The following CNTN4 variants were observed in gnomAD, a reference collection of about 807,000 sequenced individuals.
CNTN4 encodes contactin 4.
Under a neutral mutation model 122.5 loss-of-function variants are expected in CNTN4, and 77 were observed. That is an observed-to-expected ratio of 0.63 (90% confidence interval 0.52 to 0.76). CNTN4 has a LOEUF of 0.76. CNTN4 is among the 30% of genes least tolerant of loss of function. The pLI is 0.00. For missense variants in CNTN4, 1,256 were observed against 1,259.1 expected (o/e 1.00, Z 0.04); for synonymous variants, 512 against 447.0 (o/e 1.15, Z -1.83).
intron 20 of CNTN4, 147 bp from the exon 21 acceptor site, chr3:3,042,163 A>T: frequency 1.5e-6 from 1 of 687,142 alleles, no homozygotes; most frequent in Non-Finnish European, 2.6e-6. Flanking sequence ...GCTATTAATC[A>T]CTGCCCCTCT....
intron 4 of CNTN4, among the ~76,000 whole-genome samples, chr3:2,720,130 A>G (rs188047939): frequency 6.6e-6 from 1 of 152,300 alleles, no homozygotes; most frequent in East Asian, 1.9e-4. Context: ...ATGCTTTGAA[A>G]GCAGAAGGAA....
intron 2 of CNTN4, among the ~76,000 whole-genome samples, chr3:2,233,236 G>T (rs2149557408): frequency 6.6e-6 from 1 of 152,110 alleles, no homozygotes; most frequent in African/African-American, 2.4e-5. Context: ...ATTCTTCACT[G>T]ATCCCTGTCT....
At chr3:2,181,816 C>T (rs1034970186) in intron 2 of CNTN4, among the ~76,000 whole-genome samples, 5 of 152,020 alleles carry the variant, frequency 3.3e-5, no homozygotes, top group Admixed American at 6.6e-5. Context: ...AATTCCCGGT[C>T]AGAGAAAATG....
intron 4 of CNTN4, among the ~76,000 whole-genome samples, chr3:2,669,809 T>A (rs1470892484): frequency 6.6e-6 from 1 of 152,236 alleles, no homozygotes; most frequent in Non-Finnish European, 1.5e-5. Flanking sequence ...TTCTCCTTGG[T>A]TTCCAAGAAC....
At chr3:2,815,109 A>G (rs931687237) in intron 6 of CNTN4, among the ~76,000 whole-genome samples, 2 of 152,214 alleles carry the variant, frequency 1.3e-5, no homozygotes, top group Admixed American at 6.5e-5. Flanking sequence ...AAGGACTTAA[A>G]CCTAAGACCT....
chr3:2,428,573 G>C lies in CNTN4; in HGVS notation c.-89+89340G>C, dbSNP rs2047934928. Among the ~76,000 whole-genome samples the C allele has an allele frequency of 2.0e-5, 3 of 152,128 alleles. No homozygotes were observed. The South Asian group carries it at 6.2e-4, about 32-fold the overall frequency. On this transcript the variant is annotated intron_variant, in intron 3 of 24. Coordinates refer to ENST00000418658, the MANE Select transcript of CNTN4 (RefSeq NM_175607.3). ...GTCTTGGAGTTGCTCTTCTCGAGGA[G>C]TATCTTTGTTGCATTCTCTGTATTT...
At chr3:2,119,834 A>T (rs1021495043) in intron 2 of CNTN4, among the ~76,000 whole-genome samples, 13 of 152,220 alleles carry the variant, frequency 8.5e-5, no homozygotes, top group African/African-American at 3.1e-4. Context: ...AGGGTGTGGT[A>T]GGGGTTACCC....
chr3:2,125,161 T>A (rs1332866572), intron 2 of CNTN4, among the ~76,000 whole-genome samples: 1 of 152,190 alleles, frequency 6.6e-6, no homozygotes, highest in African/African-American at 2.4e-5. Flanking sequence ...TTCTACTCTT[T>A]GTTTCTATGA....
chr3:2,669,183 T>C (rs527491040), intron 4 of CNTN4, among the ~76,000 whole-genome samples: 115 of 152,340 alleles, frequency 7.5e-4, no homozygotes, highest in African/African-American at 2.7e-3. Flanking sequence ...CTCCTCCTTG[T>C]ACCTCTGGTA....
intron 4 of CNTN4, among the ~76,000 whole-genome samples, chr3:2,666,188 A>G (rs1411224108): frequency 6.6e-6 from 1 of 152,210 alleles, no homozygotes; most frequent in African/African-American, 2.4e-5. Flanking sequence ...CTTGTTATCC[A>G]AGCCAATAAA....
At chr3:2,458,641 G>T (rs780289975) in intron 3 of CNTN4, among the ~76,000 whole-genome samples, 3 of 151,850 alleles carry the variant, frequency 2.0e-5, no homozygotes, top group Admixed American at 6.6e-5. Flanking sequence ...TTTTCCCCAC[G>T]AAGTTAGTAC....
chr3:2,840,636 T>G, intron 7 of CNTN4, among the ~76,000 whole-genome samples: 1 of 136,068 alleles, frequency 7.3e-6, no homozygotes, highest in African/African-American at 2.7e-5. Context: ...GAGGCGGAGC[T>G]TGCAGTGAGC....
At chr3:2,533,228 C>T (rs2077667090) in intron 3 of CNTN4, among the ~76,000 whole-genome samples, 2 of 151,524 alleles carry the variant, frequency 1.3e-5, no homozygotes, top group Non-Finnish European at 2.9e-5. Flanking sequence ...TGGTGTGCTG[C>T]ACCCATTAAC....
chr3:2,406,008 C>T (rs2047022545), intron 3 of CNTN4, among the ~76,000 whole-genome samples: 1 of 148,990 alleles, frequency 6.7e-6, no homozygotes, highest in African/African-American at 2.5e-5. Flanking sequence ...GCCTAGATGA[C>T]AGAGTAAGAG....
At chr3:2,775,822 GTCTTCT>G (rs2091293382) in intron 6 of CNTN4, among the ~76,000 whole-genome samples, 1 of 152,094 alleles carries the variant, frequency 6.6e-6, no homozygotes, top group African/African-American at 2.4e-5. Flanking sequence ...GCTATTGTCT[GTCTTCT>G]TCACTACAAT....
rs1167731028 is a variant in CNTN4, at chr3:3,042,906, A to G, written c.2512-71A>G. The G allele has an allele frequency of 2.3e-6, 3 of 1,288,720 alleles. No individual in the cohort carries two copies. The African/African-American group carries it at 4.4e-5, about 19-fold the overall frequency. 79.8% of individuals were successfully genotyped at this position (1,288,720 alleles called of 1,614,324 possible). On this transcript the variant is annotated intron_variant, in intron 21 of 24. Transcript: ENST00000418658. ...ACTCCATCATAAGAATCTGCGTACA[A>G]AATTACCTGATGACATTGCAAATAT...
chr3:2,744,097 G>T (rs2089623082), intron 5 of CNTN4, among the ~76,000 whole-genome samples: 1 of 152,186 alleles, frequency 6.6e-6, no homozygotes, highest in Non-Finnish European at 1.5e-5. Context: ...TTACAGGCGT[G>T]AGCCACCGTG....
At chr3:3,051,023 A>G (rs563118422) in intron 23 of CNTN4, among the ~76,000 whole-genome samples, 14 of 152,318 alleles carry the variant, frequency 9.2e-5, no homozygotes, top group Middle Eastern at 3.4e-3. Flanking sequence ...ACACAAATTC[A>G]TAAACTTTCT....
intron 2 of CNTN4, among the ~76,000 whole-genome samples, chr3:2,180,782 G>A (rs73806385): frequency 4.0e-4 from 61 of 152,218 alleles, no homozygotes; most frequent in African/African-American, 1.5e-3. Context: ...GACTGACAGC[G>A]ATGCCTTAGC....
Sources: allele counts gnomAD v4.1 joint callset (sites outside exome capture counted in the v4.1 genomes callset), GRCh38; gene constraint gnomAD v4.1.1; transcripts MANE v1.5; gene names NCBI Gene and HGNC (gene_info 2026-07-23, HGNC 2026-07-21).